MOBP: variants seen among roughly 807,000 people sequenced by gnomAD.
MOBP encodes myelin associated oligodendrocyte basic protein.
A neutral mutation model predicts 15.0 loss-of-function variants in MOBP; 5 were observed. The ratio of observed to expected loss-of-function variants is 0.33; its 90% CI spans 0.17 to 0.70. The LOEUF is 0.70. Ranked by LOEUF, MOBP falls within the 30% of genes least tolerant of loss-of-function variation. MOBP has a pLI of 0.67. For synonymous variants in MOBP, 88 were observed against 99.0 expected (o/e 0.89, Z 0.66); for missense variants, 188 against 257.8 (o/e 0.73, Z 1.85).
rs75538068 is a variant in MOBP, at chr3:39,511,008, T to G, written c.*-2375T>G. On this transcript the variant is annotated intron_variant, in intron 4 of 4. Coordinates refer to the MOBP transcript ENST00000311042. ...TCAAGATATGGCTCAACTTTCCTCA[T>G]GGCCTATTGACTGATGTACTGTATC... Among the ~76,000 whole-genome samples, 3 of 152,346 alleles carry G rather than the reference T, an allele frequency of 2.0e-5. No individual in the cohort carries two copies. The East Asian group carries it at 5.8e-4, about 29-fold the overall frequency.
chr3:39,479,838 C>A (rs187651736), intron 1 of MOBP, among the ~76,000 whole-genome samples: 2 of 149,694 alleles, frequency 1.3e-5, no homozygotes, highest in Non-Finnish European at 1.5e-5. Flanking sequence ...AATGTTAAGG[C>A]GGTTATTAAA....
rs755911510 is a variant in MOBP, at chr3:39,502,306, T to G, written c.206+31T>G. ...CGGCCGCCCAGCCCCGCGGCACCAGTTGGGCACAGCGCGTGGTCTCGGCTC... is the reference window on the plus strand; with the variant it reads ...CGGCCGCCCAGCCCCGCGGCACCAGGTGGGCACAGCGCGTGGTCTCGGCTC... On this transcript the variant is annotated intron_variant, in intron 3 of 3. Transcript: ENST00000684792. The surrounding 1 kb of genome is among the most constrained non-coding windows in gnomAD (Gnocchi z 6.3). 112 of 1,612,612 alleles carry G rather than the reference T, an allele frequency of 6.9e-5. No homozygotes were observed. Among genetic ancestry groups the G allele is most frequent in the Non-Finnish European group, 5.9e-6 (7 of 1,179,412 alleles).
At chr3:39,478,096 G>A (rs1050559873) in intron 1 of MOBP, among the ~76,000 whole-genome samples, 2 of 152,094 alleles carry the variant, frequency 1.3e-5, no homozygotes, top group African/African-American at 4.8e-5. Flanking sequence ...GTCTATGGTG[G>A]TACACTGTAA....
At chr3:39,513,392 G>A (rs1315778482) in exon 5 of MOBP, 1 of 1,614,056 alleles carries the variant, frequency 6.2e-7, no homozygotes, top group Non-Finnish European at 8.5e-7. Context: ...GATTGAAAAG[G>A]AAGATCAGGC....
chr3:39,502,700 G>A lies in MOBP; in HGVS notation c.372G>A (p.Glu124=). 6.5e-7 allele frequency: 1 copy of A among 1,528,022 alleles called. No individual in the cohort carries two copies. The highest frequency in any genetic ancestry group is 8.7e-7 in the Non-Finnish European group (1 of 1,143,184). The allele number at this position is 1,528,022 out of a possible 1,614,324, so 94.7% of individuals were successfully genotyped here. A position where few individuals can be genotyped will look rare whatever the true frequency, so the allele number is the denominator to read the frequency against. The part of the protein sequence containing the change: ...ERQPRSPPRS[E]RQPRSPPRSE... The stretch of plus-strand genomic sequence containing the variant: ...AGCCACGGTCCCCTCCGAGGTCTGA[G>A]CGTCAGCCACGGTCCCCTCCGAGGT... The change falls in exon 4 of 4, where the codon GAG becomes GAA. Residue 124 remains glutamate, a synonymous_variant. Transcript: ENST00000684792. The surrounding 1 kb of genome is among the most constrained non-coding windows in gnomAD (Gnocchi z 6.3).
chr3:39,523,805 T>G (rs1263606581), intron 3 of MOBP, among the ~76,000 whole-genome samples: 1 of 152,170 alleles, frequency 6.6e-6, no homozygotes, highest in East Asian at 1.9e-4. Flanking sequence ...TGGAGTTATG[T>G]AACAAAAACT....
chr3:39,494,796 C>CGCA (rs564079882), intron 2 of MOBP, among the ~76,000 whole-genome samples: 1 of 117,396 alleles, frequency 8.5e-6, no homozygotes, highest in African/African-American at 3.2e-5. Flanking sequence ...CCCCCCGCCC[C>CGCA]CCGAGTTACG....
downstream of MOBP, among the ~76,000 whole-genome samples, chr3:39,518,111 G>A (rs1575323723): frequency 6.6e-6 from 1 of 152,122 alleles, no homozygotes; most frequent in East Asian, 1.9e-4. Flanking sequence ...CATTCATATT[G>A]GATTTCGAAG....
intron 4 of MOBP, among the ~76,000 whole-genome samples, chr3:39,508,962 C>A (rs947424659): frequency 6.6e-6 from 1 of 152,036 alleles, no homozygotes; most frequent in Non-Finnish European, 1.5e-5. Context: ...TACAGGCATC[C>A]CTATACAGTA....
At position 39,498,326 on chromosome 3, in the gene MOBP, G is replaced by T. The variant is rs1025158328; in HGVS notation, c.-4-3740G>T. Among the ~76,000 whole-genome samples, 29 of 151,860 alleles carry T rather than the reference G, an allele frequency of 1.9e-4. No homozygotes were observed. The South Asian group carries it at 3.7e-3, about 20-fold the overall frequency. ...ACCTGGGAAAAGAGTTAGGAGGGCA[G>T]TTTTTTGTTGTTGTTGTTTTTGTTT... On this transcript the variant is annotated intron_variant, in intron 2 of 3. Transcript: ENST00000684792.
chr3:39,469,309 C>T (rs1310875013), intron 1 of MOBP, among the ~76,000 whole-genome samples: 3 of 131,950 alleles, frequency 2.3e-5, no homozygotes, highest in African/African-American at 7.9e-5. Flanking sequence ...TATATATACA[C>T]ATATTTATAT....
At chr3:39,500,030 C>G (rs1213394583) in intron 2 of MOBP, 1 of 456,126 alleles carries the variant, frequency 2.2e-6, no homozygotes. Context: ...CCTTGTATGA[C>G]ACTCACTGAT....
chr3:39,501,864 A>G (rs2042974266), intron 2 of MOBP, among the ~76,000 whole-genome samples: 1 of 152,216 alleles, frequency 6.6e-6, no homozygotes, highest in African/African-American at 2.4e-5. Context: ...TTAAAAATAC[A>G]CAAATGAAAA....
chr3:39,489,710 C>A (rs2042767811), intron 2 of MOBP, among the ~76,000 whole-genome samples: 1 of 151,892 alleles, frequency 6.6e-6, no homozygotes, highest in Non-Finnish European at 1.5e-5. Flanking sequence ...CTGTCCCAGC[C>A]CCTGGTGAGA....
At chr3:39,509,503 T>G (rs1363835726) in intron 4 of MOBP, among the ~76,000 whole-genome samples, 1 of 152,196 alleles carries the variant, frequency 6.6e-6, no homozygotes, top group African/African-American at 2.4e-5. Context: ...GATAATCCAC[T>G]AAAGACACTT....
At chr3:39,499,011 A>C (rs989604829) in intron 2 of MOBP, among the ~76,000 whole-genome samples, 1 of 152,142 alleles carries the variant, frequency 6.6e-6, no homozygotes. Context: ...TTTCTCAAAC[A>C]GTTGGAGTAA....
At chr3:39,520,729 C>T (rs1266661117), downstream of MOBP, among the ~76,000 whole-genome samples, 5 of 152,090 alleles carry the variant, frequency 3.3e-5, no homozygotes, top group African/African-American at 1.2e-4. Context: ...CGTATGTCTC[C>T]TTGCTCAAAA....
rs1170829170 is a variant in MOBP, at chr3:39,502,844, T to TGG, written c.521_522dup (p.Ser175GlyfsTer54). On this transcript the variant is annotated frameshift_variant, in exon 4 of 4. Coordinates refer to ENST00000684792, the MANE Select transcript of MOBP (RefSeq NM_001393704.1). LOFTEE classifies it high-confidence loss of function. The surrounding 1 kb of genome is among the most constrained non-coding windows in gnomAD (Gnocchi z 6.3). ...CCCTCAGAGGGCCAGGCGCCAGCCG[T>TGG]GGGGGGTCCCCCGTCAAAGCTTCTA... The TGG allele has an allele frequency of 6.7e-7, 1 of 1,486,206 alleles. No individual in the cohort carries two copies. The highest frequency in any genetic ancestry group is 1.4e-5 in the African/African-American group (1 of 71,680). 92.1% of individuals were successfully genotyped at this position (1,486,206 alleles called of 1,614,324 possible).
chr3:39,489,429 C>A (rs929823996), intron 2 of MOBP, among the ~76,000 whole-genome samples: 9 of 152,186 alleles, frequency 5.9e-5, no homozygotes, highest in Non-Finnish European at 1.3e-4. Context: ...CTCAATAAAT[C>A]TTCAAATGGA....
Sources: gnomAD v4.1 joint callset for allele counts (sites outside exome capture counted in the v4.1 genomes callset) on GRCh38, gnomAD v4.1.1 for gene constraint, Gnocchi (gnomAD v3.1) non-coding constraint, MANE v1.5 for transcripts, NCBI Gene and HGNC (gene_info 2026-07-23, HGNC 2026-07-21) for gene names.